BIRC6: variants seen among roughly 807,000 people sequenced by gnomAD.
BIRC6 encodes baculoviral IAP repeat containing 6, also known as dual E2 ubiquitin-conjugating enzyme/E3 ubiquitin-protein ligase BIRC6.
A neutral mutation model predicts 503.3 loss-of-function variants in BIRC6; 98 were observed. That is an observed-to-expected ratio of 0.19 (90% CI 0.17 to 0.23). BIRC6 has a LOEUF of 0.23. Ranked by LOEUF, BIRC6 falls within the 10% of genes least tolerant of loss-of-function variation. The probability of loss-of-function intolerance (pLI) is 1.00; values close to 1 mark genes in which losing one functional copy is unlikely to be tolerated. For synonymous variants in BIRC6, 2,240 were observed against 2,078.7 expected, an observed-to-expected ratio of 1.08 and a Z score of -2.11; for missense variants, 5,360 against 5,806.0, an observed-to-expected ratio of 0.92 and a Z score of 2.50.
At chr2:32,459,461 A>G (rs2047598644) in intron 23 of BIRC6, among the ~76,000 whole-genome samples, 1 of 152,118 alleles carries the variant, frequency 6.6e-6, no homozygotes, top group Non-Finnish European at 1.5e-5. Flanking sequence ...TTGGGTATGT[A>G]CCTATGAGTA....
At chr2:32,582,105 C>G (rs1312822267) in intron 66 of BIRC6, among the ~76,000 whole-genome samples, 2 of 152,132 alleles carry the variant, frequency 1.3e-5, no homozygotes, top group African/African-American at 4.8e-5. Context: ...GTGATCTGCC[C>G]CCCTCCGCCT....
chr2:32,453,966 C>T, intron 23 of BIRC6, 24 bp downstream of exon 23: 2 of 1,569,010 alleles, frequency 1.3e-6, no homozygotes, highest in South Asian at 2.3e-5. Context: ...TATATACCTT[C>T]TTTTATTATA....
At chr2:32,573,925 T>A (rs1306131553) in intron 65 of BIRC6, among the ~76,000 whole-genome samples, 1 of 152,172 alleles carries the variant, frequency 6.6e-6, no homozygotes, top group Admixed American at 6.6e-5. Context: ...ATTTAATCAT[T>A]TCTATATGTA....
In BIRC6 at chr2:32,468,652, G is replaced by A; in HGVS notation, c.5996G>A (p.Gly1999Asp). The A allele has an allele frequency of 6.2e-7, 1 of 1,613,960 alleles. No homozygotes were observed. Among genetic ancestry groups the A allele is most frequent in the South Asian group, 1.1e-5 (1 of 91,080 alleles). ...GTGCAGAGGCTCAAAGTGGCGCTAGGTGCAAGCCGGAAGATGTTGAGTGAA... is the reference window on the plus strand; with the variant it reads ...GTGCAGAGGCTCAAAGTGGCGCTAGATGCAAGCCGGAAGATGTTGAGTGAA... ...NAVQRLKVAL[G>D]ASRKMLSETS... Residue 1999 changes from glycine to aspartate, a missense_variant, in exon 29 of 74, where the codon GGT (glycine) becomes GAT (aspartate). Physicochemically the swap from Gly to Asp is moderately conservative, Grantham distance 94. Transcript: ENST00000421745.
intron 61 of BIRC6, among the ~76,000 whole-genome samples, chr2:32,534,374 C>CAAAA (rs200134446): frequency 1.1e-5 from 1 of 92,596 alleles, no homozygotes; most frequent in Admixed American, 1.2e-4. Context: ...AATTCCATCT[C>CAAAA]AAAAAAAAAA....
At chr2:32,545,325 A>T (rs1213051973) in intron 62 of BIRC6, among the ~76,000 whole-genome samples, 2 of 152,198 alleles carry the variant, frequency 1.3e-5, no homozygotes, top group Non-Finnish European at 2.9e-5. Flanking sequence ...AGATACTACT[A>T]ATGCTTCTTT....
At chr2:32,503,587 A>G (rs999241223) in intron 49 of BIRC6, among the ~76,000 whole-genome samples, 1 of 151,454 alleles carries the variant, frequency 6.6e-6, no homozygotes, top group African/African-American at 2.4e-5. Flanking sequence ...ACGCCTGGCT[A>G]ATTTTTGTAT....
chr2:32,365,389 A>T (rs2034750746), intron 1 of BIRC6, among the ~76,000 whole-genome samples: 1 of 148,148 alleles, frequency 6.8e-6, no homozygotes, highest in Non-Finnish European at 1.5e-5. Context: ...GCGCGATCTC[A>T]GCTCACTGCA....
intron 12 of BIRC6, among the ~76,000 whole-genome samples, chr2:32,432,177 A>C (rs1225201362): frequency 6.6e-6 from 1 of 152,166 alleles, no homozygotes; most frequent in Non-Finnish European, 1.5e-5. Context: ...GCACTTTGGG[A>C]AGCCAAGGCA....
intron 34 of BIRC6, 54 bp from the exon 35 acceptor site, chr2:32,477,312 GAA>G: frequency 6.4e-7 from 1 of 1,556,568 alleles, no homozygotes; most frequent in Middle Eastern, 1.8e-4. Flanking sequence ...AATCTATACT[GAA>G]AAAATTTTCA....
chr2:32,429,050 T>G, intron 10 of BIRC6, 96 bp from the exon 11 acceptor site: 2 of 1,053,188 alleles, frequency 1.9e-6, no homozygotes, highest in Non-Finnish European at 2.7e-6. Flanking sequence ...TATCTGCCTA[T>G]GAAGTGACAT....
intron 72 of BIRC6, among the ~76,000 whole-genome samples, chr2:32,608,791 T>C (rs1243477391): frequency 6.6e-6 from 1 of 152,224 alleles, no homozygotes; most frequent in Non-Finnish European, 1.5e-5. Context: ...CTCATTGAAC[T>C]GTTTTTTATT....
In BIRC6 at chr2:32,357,359, C is replaced by A; in HGVS notation, c.198C>A (p.Asp66Glu). 1.3e-6 allele frequency: 2 copies of A among 1,546,470 alleles called. No homozygotes were observed. Among genetic ancestry groups the A allele is most frequent in the East Asian group, 4.9e-5 (2 of 40,714 alleles). ...TGCGGGACGGCTGCATGCACTGCGA[C>A]GCCGACGGGCTGCACAGCCTGTCCT... ...LVLRDGCMHC[D>E]ADGLHSLSYH... The change falls in exon 1 of 74, where the codon GAC becomes GAA. Residue 66 changes from aspartate (D) to glutamate (E), a missense_variant. By Grantham distance (45) the Asp-to-Glu change is conservative. This residue lies in a region of BIRC6 where 145 missense variants were observed against 106.9 expected (regional missense o/e 1.36). Transcript: ENST00000421745. The surrounding 1 kb of genome is among the most constrained non-coding windows in gnomAD (Gnocchi z 4.9).
Position 32,470,286 on chromosome 2 carries a change from C to A in BIRC6, c.6466C>A (p.His2156Asn). Residue 2156 changes from histidine to asparagine, a missense_variant, in exon 31 of 74, where the codon CAT (histidine) becomes AAT (asparagine). Physicochemically the swap from His to Asn is moderately conservative, Grantham distance 68. Around this residue, in one of 16 missense-constraint regions of BIRC6, gnomAD observed 2,299 missense variants for 2,267.2 expected, o/e 1.01. Transcript: ENST00000421745. Reference sequence around the variant, plus strand: ...ACCTCTTCAGCCACAGTTACCCATGCATAGGAGGACAGAAGGTATTAAGAG... The same window carrying A: ...ACCTCTTCAGCCACAGTTACCCATGAATAGGAGGACAGAAGGTATTAAGAG... ...LSPLQPQLPM[H>N]RRTEGVLDIP... The A allele has an allele frequency of 6.4e-7, 1 of 1,571,870 alleles. No homozygotes were observed. The highest frequency in any genetic ancestry group is 8.6e-7 in the Non-Finnish European group (1 of 1,157,852).
At chr2:32,461,753 T>G (rs906988082) in intron 23 of BIRC6, among the ~76,000 whole-genome samples, 2 of 152,156 alleles carry the variant, frequency 1.3e-5, no homozygotes, top group African/African-American at 4.8e-5. Flanking sequence ...TTGCCTGGAT[T>G]TTCCCCTTTA....
chr2:32,464,532 A>G lies in BIRC6; in HGVS notation c.4965A>G (p.Leu1655=), dbSNP rs771568641. 3 of 1,582,138 alleles carry G rather than the reference A, an allele frequency of 1.9e-6. No individual in the cohort carries two copies. Among genetic ancestry groups the G allele is most frequent in the East Asian group, 4.6e-5 (2 of 43,430 alleles). The part of the protein sequence containing the change: ...QQQKAKLEAK[L]HQTTAAAAAA... ...AGAAAGCAAAGCTGGAAGCCAAGTTACATCAGACAACAGCTGCAGCAGCTG... is the reference window on the plus strand; with the variant it reads ...AGAAAGCAAAGCTGGAAGCCAAGTTGCATCAGACAACAGCTGCAGCAGCTG... Residue 1655 remains leucine (L), a synonymous_variant, in exon 25 of 74, where the codon TTA becomes TTG. Coordinates refer to ENST00000421745, the MANE Select transcript of BIRC6 (RefSeq NM_016252.4).
intron 65 of BIRC6, among the ~76,000 whole-genome samples, chr2:32,570,142 T>G (rs1045315421): frequency 3.9e-5 from 6 of 152,200 alleles, no homozygotes; most frequent in African/African-American, 1.4e-4. Flanking sequence ...ATCACATGCT[T>G]TTTCAACATT....
At chr2:32,564,454 C>G (rs1361983949) in intron 65 of BIRC6, 2 of 152,102 alleles carry the variant, frequency 1.3e-5, no homozygotes, top group Non-Finnish European at 2.9e-5. Flanking sequence ...ATTGGTGTTT[C>G]TGCTTTGAAT....
Position 32,515,062 on chromosome 2 carries a change from C to T in BIRC6, c.10641C>T (p.Cys3547=). 1 of 1,613,920 alleles carries T rather than the reference C, an allele frequency of 6.2e-7. No individual in the cohort carries two copies. Among genetic ancestry groups the T allele is most frequent in the South Asian group, 1.1e-5 (1 of 91,072 alleles). The part of the protein sequence containing the change: ...VLKKAVDSLL[C]SMCHVHPNYF... ...AGAAAGCTGTTGACAGTCTACTTTG[C>T]TCAATGTGTCACGTACACCCAAACT... Residue 3547 remains cysteine, a synonymous_variant, in exon 55 of 74, where the codon TGC becomes TGT. Coordinates refer to ENST00000421745, the MANE Select transcript of BIRC6 (RefSeq NM_016252.4).
Sources: allele counts gnomAD v4.1 joint callset (sites outside exome capture counted in the v4.1 genomes callset), GRCh38; gene constraint gnomAD v4.1.1; regional missense constraint gnomAD v4.1.1; non-coding constraint Gnocchi (gnomAD v3.1); transcripts MANE v1.5; gene names NCBI Gene and HGNC (gene_info 2026-07-23, HGNC 2026-07-21).